The following ARF3 variants were observed in gnomAD, a reference collection of about 807,000 sequenced individuals.
ARF3 encodes the protein ARF GTPase 3, also known as ADP-ribosylation factor 3.
A neutral mutation model predicts 19.3 loss-of-function variants in ARF3; 5 were observed. The observed-to-expected ratio is 0.26, with a 90% CI of 0.14 to 0.54. The LOEUF is 0.54. Among genes scored for constraint, ARF3 ranks in the 20% least tolerant of loss-of-function variants. The pLI is 0.95. For synonymous variants in ARF3, 71 were observed against 89.2 expected, an observed-to-expected ratio of 0.80 and a Z score of 1.15; for missense variants, 77 against 234.2, an observed-to-expected ratio of 0.33 and a Z score of 4.38.
chr12:48,951,398 T>C lies in ARF3; in HGVS notation c.-94+5912A>G, dbSNP rs563478991. Among the ~76,000 whole-genome samples, 4 of 150,518 alleles carry C rather than the reference T, an allele frequency of 2.7e-5. No individual in the cohort carries two copies. The South Asian group carries it at 8.4e-4, about 32-fold the overall frequency. On this transcript the variant is annotated intron_variant, in intron 1 of 4. Coordinates refer to ENST00000256682, the MANE Select transcript of ARF3 (RefSeq NM_001659.3). ...CAACATGGTGAGACCCCATCTCTAC[T>C]AAAAATACAAAATTAGCTGGGCATG...
At chr12:48,956,687 T>C (rs1389067723) in intron 1 of ARF3, among the ~76,000 whole-genome samples, 1 of 151,720 alleles carries the variant, frequency 6.6e-6, no homozygotes, top group Non-Finnish European at 1.5e-5. Flanking sequence ...TTCTCCTGCC[T>C]CCTCTCCACC....
At chr12:48,951,266 T>G (rs1046700167) in intron 1 of ARF3, among the ~76,000 whole-genome samples, 5 of 152,202 alleles carry the variant, frequency 3.3e-5, no homozygotes, top group Non-Finnish European at 7.3e-5. Flanking sequence ...ATTTCAACAT[T>G]TAAAGTAGTG....
At chr12:48,945,168 G>A (rs1458026135) in intron 1 of ARF3, among the ~76,000 whole-genome samples, 2 of 147,760 alleles carry the variant, frequency 1.4e-5, no homozygotes, top group African/African-American at 5.0e-5. Flanking sequence ...AAAAAGGCCG[G>A]GCACAGTGGC....
chr12:48,953,136 TGTTGAGAACG>T lies in ARF3; in HGVS notation c.-94+4164_-94+4173del, dbSNP rs371754500. The T allele has an allele frequency of 1.0e-3, 154 of 152,378 alleles. 1 individual carries two copies. The highest frequency in any genetic ancestry group is 3.6e-3 in the African/African-American group (149 of 41,588). 9.4% of individuals were successfully genotyped at this position (152,378 alleles called of 1,614,324 possible). A position where few individuals can be genotyped will look rare whatever the true frequency, so the allele number is the denominator to read the frequency against. ...ACCTATAGCTAGTGACTGACAGGCGTGTTGAGAACGGTTCTACTGAGGGTGGCAAAACACT... is the reference window on the plus strand; with the variant it reads ...ACCTATAGCTAGTGACTGACAGGCGTGTTCTACTGAGGGTGGCAAAACACT... On this transcript the variant is annotated intron_variant, in intron 1 of 4. Transcript: ENST00000256682.
chr12:48,952,462 C>G (rs1230657576), intron 1 of ARF3, among the ~76,000 whole-genome samples: 2 of 152,212 alleles, frequency 1.3e-5, no homozygotes, highest in African/African-American at 4.8e-5. Flanking sequence ...TAGAATCTGA[C>G]CAGCTTACAA....
chr12:48,943,958 C>A (rs1185028710), intron 1 of ARF3, among the ~76,000 whole-genome samples: 2 of 152,242 alleles, frequency 1.3e-5, no homozygotes, highest in Non-Finnish European at 2.9e-5. Context: ...CTGAGGACCC[C>A]TGAGCGACCT....
chr12:48,948,521 G>T (rs1189573689), intron 1 of ARF3, among the ~76,000 whole-genome samples: 1 of 151,870 alleles, frequency 6.6e-6, no homozygotes, highest in Non-Finnish European at 1.5e-5. Context: ...CTCCTAAAGT[G>T]AAGAGTACAG....
At position 48,938,216 on chromosome 12, in the gene ARF3, G is replaced by A; in HGVS notation, c.*731C>T. ...AGAAGGGTGGAGAGAAGAGTACAAG[G>A]AAAATGGTGGTGAAGAATCCATCAT... is the stretch of plus-strand genomic sequence containing the variant. On this transcript the variant is annotated 3_prime_UTR_variant, in exon 5 of 5. Coordinates refer to ENST00000256682, the MANE Select transcript of ARF3 (RefSeq NM_001659.3). 2 of 361,322 alleles carry A rather than the reference G, an allele frequency of 5.5e-6. No homozygotes were observed. The highest frequency in any genetic ancestry group is 3.5e-5 in the Admixed American group (1 of 28,764). The allele number at this position is 361,322 out of a possible 1,614,324, so 22.4% of individuals were successfully genotyped here. A position where few individuals can be genotyped will look rare whatever the true frequency, so the allele number is the denominator to read the frequency against.
Position 48,938,383 on chromosome 12 carries a change from G to T in ARF3, c.*564C>A, listed in dbSNP as rs1244730781. On this transcript the variant is annotated 3_prime_UTR_variant, in exon 5 of 5. Coordinates refer to ENST00000256682, the MANE Select transcript of ARF3 (RefSeq NM_001659.3). ...AAGGGGCAGATGACAGGCTCCAGTG[G>T]GCAGTGTCCTGGCTGCAAGCCCTGA... 2.2e-6 allele frequency: 1 copy of T among 454,292 alleles called. No individual in the cohort carries two copies. Among genetic ancestry groups the T allele is most frequent in the South Asian group, 1.6e-5 (1 of 64,480 alleles). The allele number at this position is 454,292 out of a possible 1,614,324, so 28.1% of individuals were successfully genotyped here. A position where few individuals can be genotyped will look rare whatever the true frequency, so the allele number is the denominator to read the frequency against.
intron 1 of ARF3, among the ~76,000 whole-genome samples, chr12:48,950,579 T>C (rs1249874389): frequency 6.6e-6 from 1 of 152,158 alleles, no homozygotes; most frequent in Non-Finnish European, 1.5e-5. Flanking sequence ...GTTAAGTACA[T>C]TCACACTGTA....
Position 48,937,195 on chromosome 12 carries a change from C to T in ARF3, c.*1752G>A, listed in dbSNP as rs1280155174. On this transcript the variant is annotated 3_prime_UTR_variant, in exon 5 of 5. Transcript: ENST00000256682. ...TTGGATGGGGTTACTAATATTGATC[C>T]ATCTGCTATCAACAAAAGTGGCCAG... 6.6e-6 allele frequency: 1 copy of T among 152,242 alleles called. No homozygotes were observed. The highest frequency in any genetic ancestry group is 1.5e-5 in the Non-Finnish European group (1 of 68,046). The allele number at this position is 152,242 out of a possible 1,614,324, so 9.4% of individuals were successfully genotyped here. A position where few individuals can be genotyped will look rare whatever the true frequency, so the allele number is the denominator to read the frequency against.
chr12:48,944,203 T>C (rs530427676), intron 1 of ARF3, among the ~76,000 whole-genome samples: 2 of 152,258 alleles, frequency 1.3e-5, no homozygotes, highest in Non-Finnish European at 1.5e-5. Flanking sequence ...ACATTTATCT[T>C]GCTGTCCTTT....
intron 1 of ARF3, among the ~76,000 whole-genome samples, chr12:48,952,352 T>A (rs563297724): frequency 8.6e-4 from 131 of 152,332 alleles, no homozygotes; most frequent in South Asian, 2.5e-3. Flanking sequence ...AGAATCCTAG[T>A]CAGATAAAAC....
Position 48,936,116 on chromosome 12 carries a change from TATG to T in ARF3, c.*2828_*2830del, listed in dbSNP as rs895007118. The T allele has an allele frequency of 6.6e-6, 1 of 152,326 alleles. No homozygotes were observed. The highest frequency in any genetic ancestry group is 2.4e-5 in the African/African-American group (1 of 41,420). The allele number at this position is 152,326 out of a possible 1,614,324, so 9.4% of individuals were successfully genotyped here. Reference sequence around the variant, plus strand: ...ACCCCTTTGCTGAAAGAAGGAGCACTATGGAGAGAGGGACCAGAAACAGGACTC... The same window carrying T: ...ACCCCTTTGCTGAAAGAAGGAGCACTGAGAGAGGGACCAGAAACAGGACTC... On this transcript the variant is annotated 3_prime_UTR_variant, in exon 5 of 5. Transcript: ENST00000256682.
chr12:48,947,355 G>A (rs1307619901), intron 1 of ARF3, among the ~76,000 whole-genome samples: 1 of 149,428 alleles, frequency 6.7e-6, no homozygotes, highest in Admixed American at 6.7e-5. Context: ...CGCCCAGGCT[G>A]GGGTGCAGTG....
chr12:48,953,247 G>T (rs1940499311), intron 1 of ARF3: 1 of 152,088 alleles, frequency 6.6e-6, no homozygotes, highest in Non-Finnish European at 1.5e-5. Flanking sequence ...TGAAGAAATG[G>T]TTTCCATGTC....
Position 48,940,121 on chromosome 12 carries a change from A to AC in ARF3, c.149-15dup, listed in dbSNP as rs398116432. The AC allele has an allele frequency of 6.2e-7, 1 of 1,610,814 alleles. No individual in the cohort carries two copies. Among genetic ancestry groups the AC allele is most frequent in the African/African-American group, 1.3e-5 (1 of 74,818 alleles). On this transcript the variant is annotated splice_polypyrimidine_tract_variant and intron_variant, in intron 2 of 4. Transcript: ENST00000256682. Reference sequence around the variant, plus strand: ...CCACATTGAACCCTTTGGAAAAAAAACAGGCAATGGCCACTTGGCCTCAAA... The same window carrying AC: ...CCACATTGAACCCTTTGGAAAAAAAACCAGGCAATGGCCACTTGGCCTCAAA...
chr12:48,950,483 G>A (rs985051823), intron 1 of ARF3, among the ~76,000 whole-genome samples: 25 of 152,136 alleles, frequency 1.6e-4, no homozygotes, highest in African/African-American at 5.3e-4. Flanking sequence ...CACTGTACCC[G>A]ACTGGCTTCT....
At chr12:48,941,725 C>G (rs2137579658) in intron 1 of ARF3, 1 of 152,328 alleles carries the variant, frequency 6.6e-6, no homozygotes, top group Middle Eastern at 3.4e-3. Context: ...TTTGCAACTC[C>G]ATCTTTCTTC....
Sources: allele counts gnomAD v4.1 joint callset (sites outside exome capture counted in the v4.1 genomes callset), GRCh38; gene constraint gnomAD v4.1.1; transcripts MANE v1.5; gene names NCBI Gene and HGNC (gene_info 2026-07-23, HGNC 2026-07-21).